The following NUP205 variants were observed in gnomAD, a reference collection of about 807,000 sequenced individuals.
NUP205 encodes the protein nuclear pore complex protein Nup205.
A neutral mutation model predicts 253.8 loss-of-function variants in NUP205; 76 were observed. The observed-to-expected ratio is 0.30, with a 90% CI of 0.25 to 0.36. NUP205 has a LOEUF of 0.36. Ranked by LOEUF, NUP205 falls within the 10% of genes least tolerant of loss-of-function variation. The pLI, the probability that NUP205 is intolerant of heterozygous loss-of-function variation, is 1.00. For missense variants in NUP205, 2,162 were observed against 2,425.5 expected (o/e 0.89, Z 2.28); for synonymous variants, 832 against 850.1 (o/e 0.98, Z 0.37).
At chr7:135,603,030 CAGAT>C (rs1229935584) in intron 18 of NUP205, 36 bp downstream of exon 18, 4 of 1,461,430 alleles carry the variant, frequency 2.7e-6, no homozygotes, top group African/African-American at 1.4e-5. Flanking sequence ...ATGAAGTAAA[CAGAT>C]AGACATTCTA....
Position 135,616,041 on chromosome 7 carries a change from G to T in NUP205, c.3436G>T (p.Asp1146Tyr), listed in dbSNP as rs1794349978. Residue 1146 changes from aspartate (D) to tyrosine (Y), a missense_variant, in exon 24 of 43, where the codon GAC becomes TAC. Transcript: ENST00000285968. ...GAGGCTCCTACACCTCTTACTGGAT[G>T]ACATGCCAGTGAAACCATACTCAGG... is the stretch of plus-strand genomic sequence containing the variant. ...TQRLLHLLLD[D>Y]MPVKPYSDGE... is the part of the protein sequence containing the mutation. 2.7e-5 allele frequency: 44 copies of T among 1,613,408 alleles called. No individual in the cohort carries two copies. Among genetic ancestry groups the T allele is most frequent in the Non-Finnish European group, 3.6e-5 (42 of 1,179,664 alleles).
chr7:135,611,595 C>G (rs1481788069), intron 22 of NUP205, among the ~76,000 whole-genome samples: 1 of 151,812 alleles, frequency 6.6e-6, no homozygotes. Context: ...TTACTCCTCT[C>G]TGTATAAACT....
chr7:135,603,111 ACT>A (rs1793998528), intron 18 of NUP205, 117 bp downstream of exon 18: 39 of 485,922 alleles, frequency 8.0e-5, no homozygotes, highest in Middle Eastern at 5.2e-4. Flanking sequence ...GCCTCATTTT[ACT>A]TTTTTTTTTT....
In NUP205 at chr7:135,606,770, A is replaced by G. The variant is rs200754846; in HGVS notation, c.2925A>G (p.Lys975=). 10 of 1,613,846 alleles carry G rather than the reference A, an allele frequency of 6.2e-6. No individual in the cohort carries two copies. In the East Asian group the frequency reaches 8.9e-5, roughly 14 times the overall value. The stretch of plus-strand genomic sequence containing the variant: ...ATTAAGGATCAGAACTTGAAAAGAA[A>G]TTAGTTGCAATTCGTCATGAAACAA... ...RLEEGSELEK[K]LVAIRHETRI... is the part of the protein sequence containing the mutation. The change falls in exon 21 of 43, where the codon AAA becomes AAG. Residue 975 remains lysine (K), a synonymous_variant. Transcript: ENST00000285968.
At chr7:135,602,340 A>C (rs1482852709) in intron 17 of NUP205, among the ~76,000 whole-genome samples, 3 of 152,208 alleles carry the variant, frequency 2.0e-5, no homozygotes, top group Admixed American at 2.0e-4. Context: ...AGAGTTTCTC[A>C]ATTTTGGCAC....
intron 7 of NUP205, among the ~76,000 whole-genome samples, chr7:135,582,105 G>T (rs1294488334): frequency 1.3e-5 from 2 of 152,100 alleles, no homozygotes; most frequent in Non-Finnish European, 2.9e-5. Context: ...GGCCAACAGG[G>T]CGAAACCTTG....
intron 34 of NUP205, 144 bp from the exon 35 acceptor site, chr7:135,630,200 G>T: frequency 2.5e-6 from 1 of 399,550 alleles, no homozygotes. Context: ...CACTTATTGT[G>T]AGGCTGAGTA....
Position 135,557,933 on chromosome 7 carries a change from T to G in NUP205, c.-12T>G, listed in dbSNP as rs2129489342. 1.2e-6 allele frequency: 2 copies of G among 1,613,172 alleles called. No homozygotes were observed. The highest frequency in any genetic ancestry group is 1.7e-5 in the Admixed American group (1 of 60,024). On this transcript the variant is annotated 5_prime_UTR_variant, in exon 1 of 43. Transcript: ENST00000285968. Reference sequence around the variant, plus strand: ...CCATGCGGCAGAAGGGCTCTGTTAGTGCGCCTCTAAGATGGCGACGCCTTT... The same window carrying G: ...CCATGCGGCAGAAGGGCTCTGTTAGGGCGCCTCTAAGATGGCGACGCCTTT...
At position 135,630,339 on chromosome 7, in the gene NUP205, C is replaced by G. The variant is rs377239041; in HGVS notation, c.4933-5C>G. Reference sequence around the variant, plus strand: ...TTCTATTCCTCTTCCTTTTCAATGGCTTAGGTATTGCAGTTTCTTATTTCA... The same window carrying G: ...TTCTATTCCTCTTCCTTTTCAATGGGTTAGGTATTGCAGTTTCTTATTTCA... On this transcript the variant is annotated splice_region_variant and splice_polypyrimidine_tract_variant and intron_variant, in intron 34 of 42. Coordinates refer to ENST00000285968, the MANE Select transcript of NUP205 (RefSeq NM_015135.3). The G allele has an allele frequency of 3.0e-4, 477 of 1,571,300 alleles. No homozygotes were observed. Among genetic ancestry groups the G allele is most frequent in the Non-Finnish European group, 3.6e-4 (423 of 1,161,672 alleles).
chr7:135,619,631 T>C lies in NUP205; in HGVS notation c.4172T>C (p.Ile1391Thr), dbSNP rs1465837347. 1 of 1,614,188 alleles carries C rather than the reference T, an allele frequency of 6.2e-7. No individual in the cohort carries two copies. The highest frequency in any genetic ancestry group is 1.7e-5 in the Admixed American group (1 of 60,026). ...EENPLVGFAS[I>T]GDSSLYIILK... Reference sequence around the variant, plus strand: ...AACCCATTAGTGGGTTTTGCTTCTATTGGAGATTCTTCACTTTACATCATA... The same window carrying C: ...AACCCATTAGTGGGTTTTGCTTCTACTGGAGATTCTTCACTTTACATCATA... The change falls in exon 29 of 43, where the codon ATT becomes ACT. Residue 1391 changes from isoleucine (I) to threonine (T), a missense_variant. By Grantham distance (89) the Ile-to-Thr change is moderately conservative. Transcript: ENST00000285968.
rs1002868411 is a variant in NUP205, at chr7:135,646,149, T to TA, written c.5813-8dup. On this transcript the variant is annotated splice_polypyrimidine_tract_variant and intron_variant, in intron 41 of 42. Coordinates refer to ENST00000285968, the MANE Select transcript of NUP205 (RefSeq NM_015135.3). ...CACAGCCGGTATGACTCTGTTTTTT[T>TA]ATCTCTAGATTCCTTCGCCTCAGAA... The TA allele has an allele frequency of 6.2e-6, 10 of 1,606,174 alleles. No individual in the cohort carries two copies. The highest frequency in any genetic ancestry group is 6.8e-6 in the Non-Finnish European group (8 of 1,172,866).
chr7:135,620,215 C>G (rs1034233423), intron 30 of NUP205, among the ~76,000 whole-genome samples: 1 of 152,178 alleles, frequency 6.6e-6, no homozygotes, highest in Non-Finnish European at 1.5e-5. Flanking sequence ...TGTGCTACAT[C>G]AGAGTACTTA....
intron 39 of NUP205, 48 bp from the exon 40 acceptor site, chr7:135,644,847 A>G: frequency 1.3e-6 from 2 of 1,587,614 alleles, no homozygotes; most frequent in Non-Finnish European, 1.7e-6. Flanking sequence ...TTCATTAAAA[A>G]TTTCATTCCA....
chr7:135,621,112 A>T (rs113801262), intron 30 of NUP205, among the ~76,000 whole-genome samples: 1 of 152,338 alleles, frequency 6.6e-6, no homozygotes, highest in Admixed American at 6.5e-5. Context: ...ATACACTGTT[A>T]AAAACCACTG....
chr7:135,561,217 G>T (rs1805571717), intron 1 of NUP205, among the ~76,000 whole-genome samples: 1 of 152,086 alleles, frequency 6.6e-6, no homozygotes, highest in Non-Finnish European at 1.5e-5. Context: ...GATGGCAGGT[G>T]TCTGTAATCC....
Position 135,577,871 on chromosome 7 carries a change from G to A in NUP205, c.724G>A (p.Gly242Ser). The A allele has an allele frequency of 6.2e-7, 1 of 1,614,030 alleles. No homozygotes were observed. Among genetic ancestry groups the A allele is most frequent in the Non-Finnish European group, 8.5e-7 (1 of 1,179,994 alleles). Residue 242 changes from glycine to serine, a missense_variant, in exon 6 of 43, where the codon GGC becomes AGC. By Grantham distance (56) the Gly-to-Ser change is moderately conservative. Transcript: ENST00000285968. ...LFAWACQSPL[G>S]KEDTLLLIGH... ...TGCCTGGGCTTGCCAGTCACCTTTA[G>A]GCAAAGAAGACACTCTCCTCCTCAT...
intron 6 of NUP205, 23 bp downstream of exon 6, chr7:135,578,047 C>G (rs1252602861): frequency 1.3e-6 from 2 of 1,530,490 alleles, no homozygotes; most frequent in East Asian, 2.3e-5. Flanking sequence ...ATACATTTTC[C>G]TACATTAAAA....
At chr7:135,607,909 C>A (rs1794122514) in intron 22 of NUP205, among the ~76,000 whole-genome samples, 2 of 152,002 alleles carry the variant, frequency 1.3e-5, no homozygotes, top group Admixed American at 1.3e-4. Flanking sequence ...ATCAGATGAT[C>A]CTCCACCTCA....
chr7:135,558,883 C>G (rs1347727978), intron 1 of NUP205, among the ~76,000 whole-genome samples: 1 of 152,116 alleles, frequency 6.6e-6, no homozygotes, highest in Non-Finnish European at 1.5e-5. Flanking sequence ...TAAAAGGACT[C>G]TTTTTTAAAG....
Sources: gnomAD v4.1 joint callset for allele counts (sites outside exome capture counted in the v4.1 genomes callset) on GRCh38, gnomAD v4.1.1 for gene constraint, MANE v1.5 for transcripts, NCBI Gene and HGNC (gene_info 2026-07-23, HGNC 2026-07-21) for gene names.